Variants in ANKHD1 observed in about 807,000 individuals in gnomAD.
The protein encoded by ANKHD1 is ankyrin repeat and KH domain-containing protein 1.
In ANKHD1, 31 loss-of-function variants were observed where a neutral mutation model predicts 230.5. That is an observed-to-expected ratio of 0.13 (90% CI 0.10 to 0.18). The LOEUF is 0.18. Among genes scored for constraint, ANKHD1 ranks in the 10% least tolerant of loss-of-function variants. The pLI, the probability that ANKHD1 is intolerant of heterozygous loss-of-function variation, is 1.00. For synonymous variants in ANKHD1, 1,074 were observed against 1,117.6 expected (o/e 0.96, Z 0.78); for missense variants, 2,256 against 3,071.3 (o/e 0.73, Z 6.27).
intron 24 of ANKHD1, among the ~76,000 whole-genome samples, chr5:140,522,337 TAGAC>T (rs1753389007): frequency 6.6e-6 from 1 of 152,224 alleles, no homozygotes; most frequent in Admixed American, 6.5e-5. Flanking sequence ...TTCTATTCTG[TAGAC>T]AGACCACATT....
intron 32 of ANKHD1, 42 bp downstream of exon 32, chr5:140,538,303 C>A: frequency 6.2e-7 from 1 of 1,605,044 alleles, no homozygotes; most frequent in South Asian, 1.1e-5. Context: ...GACACTTTGT[C>A]AGCCAATGTA....
chr5:140,497,761 A>G (rs1279413232), intron 15 of ANKHD1, among the ~76,000 whole-genome samples: 3 of 152,132 alleles, frequency 2.0e-5, no homozygotes, highest in Admixed American at 6.6e-5. Context: ...TAAGTATTCC[A>G]TATTATAATA....
At chr5:140,517,332 T>A (rs1255868219) in intron 24 of ANKHD1, among the ~76,000 whole-genome samples, 1 of 135,810 alleles carries the variant, frequency 7.4e-6, no homozygotes, top group Admixed American at 7.5e-5. Context: ...CTCCCACACA[T>A]TAATAATGGG....
At chr5:140,425,779 T>A (rs1206421952) in intron 1 of ANKHD1, among the ~76,000 whole-genome samples, 1 of 152,206 alleles carries the variant, frequency 6.6e-6, no homozygotes, top group East Asian at 1.9e-4. Flanking sequence ...ACAGTATTAC[T>A]TTTTGCCTTT....
intron 17 of ANKHD1, 89 bp downstream of exon 17, chr5:140,505,322 C>CT: frequency 7.2e-7 from 1 of 1,381,234 alleles, no homozygotes; most frequent in Non-Finnish European, 1.0e-6. Flanking sequence ...CCTAGACTAT[C>CT]TCAGTGATAA....
At chr5:140,484,968 T>G in intron 11 of ANKHD1, 153 bp from the exon 12 acceptor site, 1 of 1,251,624 alleles carries the variant, frequency 8.0e-7, no homozygotes, top group Non-Finnish European at 1.0e-6. Flanking sequence ...AGGTGTGTGT[T>G]CATTTTGTGA....
intron 1 of ANKHD1, among the ~76,000 whole-genome samples, chr5:140,433,062 C>T (rs552378184): frequency 2.7e-5 from 4 of 148,044 alleles, no homozygotes; most frequent in Admixed American, 6.6e-5. Flanking sequence ...CTTCCCCCCC[C>T]CAAAAAAAAA....
rs552821023 is a variant in ANKHD1 at position 140,460,513 on chromosome 5, C to A, written c.1672+1158C>A. On this transcript the variant is annotated intron_variant, in intron 9 of 33. Transcript: ENST00000360839. The stretch of plus-strand genomic sequence containing the variant: ...ATTATTATTGAAATAATTTGTTAAA[C>A]CAGATTTTATTTTATTCTATTTTTT... 2.0e-5 allele frequency among the ~76,000 whole-genome samples: 3 copies of A among 151,986 alleles called. No homozygotes were observed. The South Asian group carries it at 6.2e-4, about 32-fold the overall frequency.
chr5:140,409,900 A>T (rs780009323), intron 1 of ANKHD1, among the ~76,000 whole-genome samples: 5 of 152,120 alleles, frequency 3.3e-5, no homozygotes, highest in Non-Finnish European at 5.9e-5. Context: ...AAGCTTCATG[A>T]TGTAAAGCCT....
chr5:140,415,822 T>C (rs1771328142), intron 1 of ANKHD1, among the ~76,000 whole-genome samples: 1 of 152,096 alleles, frequency 6.6e-6, no homozygotes. Flanking sequence ...AGTTCTAGGG[T>C]ACATGTGCAC....
chr5:140,420,046 A>G, intron 1 of ANKHD1, among the ~76,000 whole-genome samples: 1 of 136,366 alleles, frequency 7.3e-6, no homozygotes. Context: ...CCCAGGCTGG[A>G]ATGTAGTTGC....
intron 7 of ANKHD1, among the ~76,000 whole-genome samples, chr5:140,454,253 A>T (rs559991080): frequency 1.1e-4 from 17 of 152,232 alleles, no homozygotes; most frequent in African/African-American, 2.4e-4. Flanking sequence ...CTCCCACACA[A>T]TAATAATGGG....
chr5:140,483,189 A>G (rs10041762), intron 11 of ANKHD1, among the ~76,000 whole-genome samples: 101,136 of 151,958 alleles, frequency 0.67, 34,096 homozygotes, highest in East Asian at 0.83. Flanking sequence ...AAAATGCTGT[A>G]GAACCAATGT....
At chr5:140,493,197 G>T (rs1438660064) in intron 14 of ANKHD1, among the ~76,000 whole-genome samples, 1 of 152,146 alleles carries the variant, frequency 6.6e-6, no homozygotes, top group Non-Finnish European at 1.5e-5. Flanking sequence ...GAGTAGCTGG[G>T]ATTACAAGCA....
intron 11 of ANKHD1, 171 bp from the exon 12 acceptor site, chr5:140,484,950 G>C: frequency 1.9e-6 from 2 of 1,080,150 alleles, no homozygotes; most frequent in Non-Finnish European, 2.4e-6. Context: ...TCTGGGTGCT[G>C]GTTACACAGG....
At chr5:140,415,723 C>T (rs1581209698) in intron 1 of ANKHD1, among the ~76,000 whole-genome samples, 1 of 151,730 alleles carries the variant, frequency 6.6e-6, no homozygotes, top group East Asian at 2.0e-4. Flanking sequence ...CAGGCCTCAG[C>T]CACCGCACCC....
At chr5:140,433,295 G>C (rs1171221223) in intron 1 of ANKHD1, among the ~76,000 whole-genome samples, 1 of 152,102 alleles carries the variant, frequency 6.6e-6, no homozygotes, top group East Asian at 1.9e-4. Context: ...TGAACACCTG[G>C]CCTCAAGTGA....
chr5:140,510,562 C>T (rs970202819), intron 22 of ANKHD1, among the ~76,000 whole-genome samples: 1 of 151,936 alleles, frequency 6.6e-6, no homozygotes, highest in East Asian at 1.9e-4. Flanking sequence ...CTGCCTGCCT[C>T]AGCCTCCCAA....
rs1752566378 is a variant in ANKHD1, at chr5:140,506,957, T to A, written c.3531T>A (p.Ala1177=). The A allele has an allele frequency of 5.0e-6, 8 of 1,613,712 alleles. No homozygotes were observed. The highest frequency in any genetic ancestry group is 6.8e-6 in the Non-Finnish European group (8 of 1,179,894). The change falls in exon 19 of 34, where the codon GCT becomes GCA. Residue 1177 remains alanine, a synonymous_variant. Transcript: ENST00000360839. The surrounding 1 kb of genome is among the most constrained non-coding windows in gnomAD (Gnocchi z 4.7). ...YVNIIKILLN[A]GAEINSRTGS... is the part of the protein sequence containing the mutation. The stretch of plus-strand genomic sequence containing the variant: ...ATATCATTAAGATTCTGCTTAATGC[T>A]GGGGCAGAAATTAATTCAAGGTATT...
Sources: allele counts gnomAD v4.1 joint callset (sites outside exome capture counted in the v4.1 genomes callset), GRCh38; gene constraint gnomAD v4.1.1; non-coding constraint Gnocchi (gnomAD v3.1); transcripts MANE v1.5; gene names NCBI Gene and HGNC (gene_info 2026-07-23, HGNC 2026-07-21).